The following GSAP variants were observed in gnomAD, a reference collection of about 807,000 sequenced individuals.
GSAP encodes gamma-secretase-activating protein.
GSAP carries 118 observed loss-of-function variants against 131.7 expected under a neutral mutation model. That is an observed-to-expected ratio of 0.90 (90% CI 0.77 to 1.04). The LOEUF is 1.04. Ranked by LOEUF, GSAP falls within the 50% of genes least tolerant of loss-of-function variation. The probability of loss-of-function intolerance (pLI) is 0.00; values close to 1 mark genes in which losing one functional copy is unlikely to be tolerated. For synonymous variants in GSAP, 381 were observed against 363.4 expected, an observed-to-expected ratio of 1.05 and a Z score of -0.55; for missense variants, 1,019 against 1,013.2, an observed-to-expected ratio of 1.01 and a Z score of -0.08.
intron 19 of GSAP, among the ~76,000 whole-genome samples, chr7:77,339,721 C>G (rs1451417523): frequency 6.6e-6 from 1 of 151,966 alleles, no homozygotes; most frequent in Non-Finnish European, 1.5e-5. Flanking sequence ...TTACACACAC[C>G]CACACACAGA....
chr7:77,323,777 C>G, intron 23 of GSAP, 35 bp from the exon 24 acceptor site: 1 of 981,918 alleles, frequency 1.0e-6, no homozygotes, highest in Non-Finnish European at 1.6e-6. Flanking sequence ...AAGTCACAGC[C>G]TACCCACTCA....
chr7:77,374,710 G>A (rs1796599893), intron 11 of GSAP, among the ~76,000 whole-genome samples: 1 of 151,234 alleles, frequency 6.6e-6, no homozygotes, highest in African/African-American at 2.4e-5. Flanking sequence ...CATCCTCTTT[G>A]ATGTCAACAA....
intron 8 of GSAP, among the ~76,000 whole-genome samples, chr7:77,378,448 C>T (rs1797295301): frequency 6.6e-6 from 1 of 151,828 alleles, no homozygotes; most frequent in Non-Finnish European, 1.5e-5. Flanking sequence ...CCCACCACTG[C>T]ACTCCAGCCT....
chr7:77,323,720 T>C lies in GSAP; in HGVS notation c.1850A>G (p.His617Arg), dbSNP rs781128270. ...TACACCCTGTAGGTGTCTCAAAAAATGGTCTTTTAGCTCAGACACCATCTG... is the reference window on the plus strand; with the variant it reads ...TACACCCTGTAGGTGTCTCAAAAAACGGTCTTTTAGCTCAGACACCATCTG... ...MGLMVSELKD[H>R]FLRHLQGVEK... is the part of the protein sequence containing the mutation. The change falls in exon 24 of 31, where the codon CAT becomes CGT. Residue 617 changes from histidine (H) to arginine (R), a missense_variant. By Grantham distance (29) the His-to-Arg change is conservative. Transcript: ENST00000257626. 2.8e-5 allele frequency: 44 copies of C among 1,596,848 alleles called. No homozygotes were observed. The highest frequency in any genetic ancestry group is 6.7e-5 in the Admixed American group (4 of 59,490).
In GSAP at chr7:77,401,225, G is replaced by C. The variant is rs183566289; in HGVS notation, c.243+3334C>G. On this transcript the variant is annotated intron_variant, in intron 3 of 30. Coordinates refer to ENST00000257626, the MANE Select transcript of GSAP (RefSeq NM_017439.4). ...TAAAAATGTCCCAAATTTGGCAAGA[G>C]ACTACAGATTCAATAAGCGGAGTAA... Among the ~76,000 whole-genome samples, 103 of 152,078 alleles carry C rather than the reference G, an allele frequency of 6.8e-4. 1 individual carries two copies. The highest frequency in any genetic ancestry group is 3.4e-3 in the Middle Eastern group (1 of 294).
intron 3 of GSAP, among the ~76,000 whole-genome samples, chr7:77,402,593 C>CAAAAAAAAAATAAAAAAAAAAAAAAAAAA (rs1801531556): frequency 4.0e-5 from 1 of 24,764 alleles, no homozygotes; most frequent in East Asian, 1.1e-3. Flanking sequence ...GACTCTGTCT[C>CAAAAAAAAAATAAAAAAAAAAAAAAAAAA]AAAAAAAAAA....
intron 1 of GSAP, 100 bp downstream of exon 1, chr7:77,416,113 C>A (rs1804391192): frequency 1.6e-6 from 1 of 631,240 alleles, no homozygotes; most frequent in Non-Finnish European, 2.5e-6. Context: ...CTTCTCAGGG[C>A]GGCGACGCCC....
chr7:77,396,947 C>G (rs1031596632), intron 5 of GSAP, 35 bp downstream of exon 5: 1 of 1,230,098 alleles, frequency 8.1e-7, no homozygotes, highest in Non-Finnish European at 1.2e-6. Flanking sequence ...TAACCTTCAT[C>G]TACCCATAGG....
chr7:77,378,986 A>AG (rs1554417121), intron 8 of GSAP, among the ~76,000 whole-genome samples: 2 of 152,136 alleles, frequency 1.3e-5, no homozygotes, highest in Admixed American at 6.5e-5. Flanking sequence ...TTGCAACTTG[A>AG]GGGGGGCCAT....
intron 8 of GSAP, among the ~76,000 whole-genome samples, chr7:77,380,525 G>A (rs928101091): frequency 6.6e-6 from 1 of 152,086 alleles, no homozygotes; most frequent in South Asian, 2.1e-4. Flanking sequence ...CCACACCAGG[G>A]TCTATTATCT....
chr7:77,329,330 T>A lies in GSAP; in HGVS notation c.1733+3A>T. ...AGATATGATAACCTCTGCTTTCACT[T>A]ACTTTACTGCATTATCAAGAATATT... On this transcript the variant is annotated splice_donor_region_variant and intron_variant, in intron 21 of 30. Transcript: ENST00000257626. The A allele has an allele frequency of 6.5e-7, 1 of 1,536,354 alleles. No homozygotes were observed. Among genetic ancestry groups the A allele is most frequent in the South Asian group, 1.2e-5 (1 of 80,824 alleles).
In GSAP at chr7:77,360,936, A is replaced by C. The variant is rs1197065570; in HGVS notation, c.950-35T>G. On this transcript the variant is annotated intron_variant, in intron 13 of 30. Coordinates refer to ENST00000257626, the MANE Select transcript of GSAP (RefSeq NM_017439.4). ...GAGAATATGAAGCCAGAGAATGTTA[A>C]ACAAAGAACTGGAACTCCACCCAAG... is the stretch of plus-strand genomic sequence containing the variant. 2.4e-6 allele frequency: 3 copies of C among 1,252,942 alleles called. No individual in the cohort carries two copies. The South Asian group carries it at 3.6e-5, about 15-fold the overall frequency. 77.6% of individuals were successfully genotyped at this position (1,252,942 alleles called of 1,614,324 possible).
chr7:77,351,660 G>T, intron 18 of GSAP: 1 of 985,808 alleles, frequency 1.0e-6, no homozygotes, highest in Non-Finnish European at 1.2e-6. Flanking sequence ...CCCTGTGCGT[G>T]TCCACAATAG....
chr7:77,338,369 C>G (rs1790355935), intron 19 of GSAP, among the ~76,000 whole-genome samples: 1 of 152,092 alleles, frequency 6.6e-6, no homozygotes, highest in Non-Finnish European at 1.5e-5. Flanking sequence ...TTTAAAATGA[C>G]TTTGAGAACT....
intron 19 of GSAP, among the ~76,000 whole-genome samples, chr7:77,334,261 A>G (rs1386622581): frequency 6.6e-6 from 1 of 152,186 alleles, no homozygotes; most frequent in East Asian, 1.9e-4. Flanking sequence ...GAACAAGATC[A>G]TGTCCTTTGC....
At chr7:77,358,945 G>T (rs1794141462) in intron 14 of GSAP, among the ~76,000 whole-genome samples, 1 of 152,206 alleles carries the variant, frequency 6.6e-6, no homozygotes, top group Admixed American at 6.5e-5. Context: ...CCAGCACTTT[G>T]GAAGGCCGAG....
At chr7:77,377,417 A>T in intron 8 of GSAP, 27 bp from the exon 9 acceptor site, 1 of 1,460,648 alleles carries the variant, frequency 6.8e-7, no homozygotes, top group Non-Finnish European at 9.3e-7. Flanking sequence ...AAAAAAAAAA[A>T]AAAAAGTATG....
At chr7:77,366,908 G>A (rs767467973) in intron 12 of GSAP, among the ~76,000 whole-genome samples, 14 of 152,130 alleles carry the variant, frequency 9.2e-5, no homozygotes, top group Non-Finnish European at 2.1e-4. Context: ...GCAGTGTTTT[G>A]TAATTCTCAT....
intron 12 of GSAP, among the ~76,000 whole-genome samples, chr7:77,368,919 T>C (rs781614473): frequency 3.0e-4 from 45 of 152,202 alleles, no homozygotes; most frequent in Non-Finnish European, 6.0e-4. Flanking sequence ...CTTAAGGGTG[T>C]ATCCAGAGAT....
Sources: allele counts gnomAD v4.1 joint callset (sites outside exome capture counted in the v4.1 genomes callset), GRCh38; gene constraint gnomAD v4.1.1; transcripts MANE v1.5; gene names NCBI Gene and HGNC (gene_info 2026-07-23, HGNC 2026-07-21).